ESR1: variants seen among roughly 807,000 people sequenced by gnomAD.
ESR1 encodes the protein estrogen receptor.
Under a neutral mutation model 52.7 loss-of-function variants are expected in ESR1, and 12 were observed. The ratio of observed to expected loss-of-function variants is 0.23; its 90% CI spans 0.15 to 0.37. The LOEUF (loss-of-function observed/expected upper bound fraction) is 0.37. Ranked by LOEUF, ESR1 falls within the 10% of genes least tolerant of loss-of-function variation. The pLI is 1.00. For missense variants in ESR1, 584 were observed against 779.7 expected (o/e 0.75, Z 2.99); for synonymous variants, 305 against 316.8 (o/e 0.96, Z 0.39).
chr6:152,050,388 A>G (rs868077259), intron 5 of ESR1, among the ~76,000 whole-genome samples: 1 of 152,184 alleles, frequency 6.6e-6, no homozygotes, highest in African/African-American at 2.4e-5. Flanking sequence ...GAATCATGCA[A>G]CATGGTTTTT....
intron 3 of ESR1, among the ~76,000 whole-genome samples, chr6:151,920,781 G>A (rs2031492298): frequency 1.3e-5 from 2 of 152,122 alleles, no homozygotes; most frequent in African/African-American, 2.4e-5. Flanking sequence ...AAGGGTACAT[G>A]CCATCAATAT....
chr6:152,027,664 C>T (rs1262088178), intron 5 of ESR1, among the ~76,000 whole-genome samples: 1 of 152,128 alleles, frequency 6.6e-6, no homozygotes, highest in Non-Finnish European at 1.5e-5. Context: ...TTTTCTTTCC[C>T]TCATTAGTGA....
intron 1 of ESR1, among the ~76,000 whole-genome samples, chr6:151,829,593 T>C (rs1336418879): frequency 6.6e-6 from 1 of 152,198 alleles, no homozygotes; most frequent in East Asian, 1.9e-4. Context: ...CCATTTTATT[T>C]CTCTAAGGAA....
chr6:151,891,481 T>C (rs1794690638), intron 3 of ESR1, among the ~76,000 whole-genome samples: 1 of 152,218 alleles, frequency 6.6e-6, no homozygotes, highest in Admixed American at 6.5e-5. Flanking sequence ...AATTTCCATA[T>C]GCTTTTTTTT....
chr6:151,972,164 A>T (rs2038977452), intron 4 of ESR1, among the ~76,000 whole-genome samples: 1 of 152,182 alleles, frequency 6.6e-6, no homozygotes, highest in African/African-American at 2.4e-5. Flanking sequence ...ATAATAAAAA[A>T]AATTGCCAAC....
At chr6:151,915,820 A>G (rs1004917838) in intron 3 of ESR1, among the ~76,000 whole-genome samples, 2 of 151,670 alleles carry the variant, frequency 1.3e-5, no homozygotes, top group African/African-American at 2.4e-5. Flanking sequence ...CAGCCTTTGC[A>G]TTTTGACTGG....
At chr6:151,828,359 G>C (rs1355645765) in intron 1 of ESR1, among the ~76,000 whole-genome samples, 1 of 152,210 alleles carries the variant, frequency 6.6e-6, no homozygotes, top group South Asian at 2.1e-4. Context: ...TTTCAGTGCA[G>C]TGTGATGAGG....
intron 5 of ESR1, among the ~76,000 whole-genome samples, chr6:152,051,002 T>C (rs529332457): frequency 2.7e-4 from 41 of 152,330 alleles, no homozygotes; most frequent in African/African-American, 9.4e-4. Flanking sequence ...GTAGAGTAGA[T>C]GTAGAGTAGA....
intron 1 of ESR1, among the ~76,000 whole-genome samples, chr6:151,660,009 A>G (rs1171381701): frequency 6.6e-6 from 1 of 152,230 alleles, no homozygotes; most frequent in African/African-American, 2.4e-5. Flanking sequence ...CCGTATGTCC[A>G]TTTTATGTCC....
intron 1 of ESR1, among the ~76,000 whole-genome samples, chr6:151,823,831 A>G (rs1256440076): frequency 1.3e-5 from 2 of 152,326 alleles, no homozygotes; most frequent in South Asian, 2.1e-4. Flanking sequence ...ATAGTATTCC[A>G]TGGTGTATAT....
chr6:151,982,944 G>GA (rs1562629615), intron 4 of ESR1, among the ~76,000 whole-genome samples: 1 of 152,038 alleles, frequency 6.6e-6, no homozygotes, highest in Non-Finnish European at 1.5e-5. Flanking sequence ...TTTTTGGGTT[G>GA]AAAAAGTAAA....
At chr6:151,851,550 C>CAG (rs1243660046) in intron 2 of ESR1, among the ~76,000 whole-genome samples, 2 of 133,754 alleles carry the variant, frequency 1.5e-5, no homozygotes, top group African/African-American at 5.6e-5. Flanking sequence ...TTTTTTGAGA[C>CAG]AGAGTCTCAC....
intron 3 of ESR1, among the ~76,000 whole-genome samples, chr6:151,916,943 G>A (rs1464848696): frequency 6.6e-6 from 1 of 152,164 alleles, no homozygotes; most frequent in Non-Finnish European, 1.5e-5. Context: ...GCACCCGCTT[G>A]AGGCTTTATT....
At chr6:152,063,703 T>C (rs573114639) in intron 6 of ESR1, among the ~76,000 whole-genome samples, 1 of 152,142 alleles carries the variant, frequency 6.6e-6, no homozygotes, top group Non-Finnish European at 1.5e-5. Context: ...CTACCTCTCA[T>C]GAGACCAATG....
At position 151,694,795 on chromosome 6, in the gene ESR1, C is replaced by CAA. The variant is rs71017507; in HGVS notation, c.-202+4143_-202+4144dup. Among the ~76,000 whole-genome samples, 146 of 139,122 alleles carry CAA rather than the reference C, an allele frequency of 1.0e-3. 1 individual carries two copies. The highest frequency in any genetic ancestry group is 3.9e-3 in the Middle Eastern group (1 of 254). The allele number at this position is 139,122 out of a possible 152,430, so 91.3% of individuals were successfully genotyped here. On this transcript the variant is annotated intron_variant, in intron 1 of 2. Coordinates refer to the ESR1 transcript ENST00000404742. The stretch of plus-strand genomic sequence containing the variant: ...GAGTGAAACTGCATCTAAAAAAAGA[C>CAA]AAAAAAAAAAAAAGTAAGTTGTTAT...
At chr6:151,758,621 C>G (rs1474392014) in intron 2 of ESR1, among the ~76,000 whole-genome samples, 1 of 151,880 alleles carries the variant, frequency 6.6e-6, no homozygotes, top group Admixed American at 6.6e-5. Context: ...ATTAGGCAGG[C>G]CTGGTGGTGG....
chr6:151,949,808 C>T (rs992007669), intron 4 of ESR1, among the ~76,000 whole-genome samples: 1 of 152,188 alleles, frequency 6.6e-6, no homozygotes, highest in Non-Finnish European at 1.5e-5. Context: ...TGCTTATTGG[C>T]CTGGATGCTA....
At chr6:152,068,718 G>A (rs777987737) in intron 6 of ESR1, among the ~76,000 whole-genome samples, 7 of 152,196 alleles carry the variant, frequency 4.6e-5, no homozygotes, top group Non-Finnish European at 1.0e-4. Flanking sequence ...TCAGGAGCGT[G>A]TGGAACCTAG....
chr6:151,726,017 AAG>A (rs1372039010), intron 2 of ESR1, among the ~76,000 whole-genome samples: 2 of 152,180 alleles, frequency 1.3e-5, no homozygotes, highest in Non-Finnish European at 2.9e-5. Flanking sequence ...AGCAAAAATA[AAG>A]AGGTGGAAAA....
Sources: gnomAD v4.1 joint callset for allele counts (sites outside exome capture counted in the v4.1 genomes callset) on GRCh38, gnomAD v4.1.1 for gene constraint, MANE v1.5 for transcripts, NCBI Gene and HGNC (gene_info 2026-07-23, HGNC 2026-07-21) for gene names.